Variants in ESYT2 observed in about 807,000 individuals in gnomAD.
ESYT2 encodes extended synaptotagmin-2.
ESYT2 carries 54 observed loss-of-function variants against 107.2 expected under a neutral mutation model. The ratio of observed to expected loss-of-function variants is 0.50; its 90% CI spans 0.40 to 0.63. The LOEUF is 0.63. Among genes scored for constraint, ESYT2 ranks in the 30% least tolerant of loss-of-function variants. ESYT2 has a pLI of 0.00. For missense variants in ESYT2, 1,020 were observed against 1,094.5 expected (o/e 0.93, Z 0.96); for synonymous variants, 491 against 434.1 (o/e 1.13, Z -1.63).
intron 7 of ESYT2, among the ~76,000 whole-genome samples, chr7:158,772,894 TA>T (rs3033501): frequency 2.5e-4 from 35 of 142,026 alleles, no homozygotes; most frequent in East Asian, 8.2e-4. Context: ...GAATAAAAGT[TA>T]AAAAAAAAAA....
rs1407222315 is a variant in ESYT2, at chr7:158,760,145, C to G, written c.1236G>C (p.Trp412Cys). 1 of 1,613,720 alleles carries G rather than the reference C, an allele frequency of 6.2e-7. No homozygotes were observed. Among genetic ancestry groups the G allele is most frequent in the Non-Finnish European group, 8.5e-7 (1 of 1,179,796 alleles). The stretch of plus-strand genomic sequence containing the variant: ...CCTTGGGAACCTCGTCCAGAGTGAA[C>G]CACTGAAGAGAAAAAATGTTTACGT... Reference protein sequence around the residue: ...EVEKERLLDEWFTLDEVPKGK... With the variant: ...EVEKERLLDECFTLDEVPKGK... The change falls in exon 12 of 23, where the codon TGG (tryptophan) becomes TGC (cysteine). Residue 412 changes from tryptophan to cysteine, a missense_variant and splice_region_variant. Physicochemically the swap from Trp to Cys is radical, Grantham distance 215. Transcript: ENST00000275418.
At chr7:158,757,258 T>C (rs550625716) in intron 13 of ESYT2, among the ~76,000 whole-genome samples, 13 of 152,340 alleles carry the variant, frequency 8.5e-5, no homozygotes, top group African/African-American at 2.9e-4. Flanking sequence ...GCCAGCCAAC[T>C]GCATTAGAAG....
In ESYT2 at chr7:158,732,254, C is replaced by T. The variant is rs904213207; in HGVS notation, c.*1953G>A. On this transcript the variant is annotated 3_prime_UTR_variant, in exon 23 of 23. Coordinates refer to ENST00000275418, the MANE Select transcript of ESYT2 (RefSeq NM_001367773.1). Reference sequence around the variant, plus strand: ...ATTATGACAGAAGACTTTCAACAGACCTGATTTTTAAAAAACCCTCAACAA... The same window carrying T: ...ATTATGACAGAAGACTTTCAACAGATCTGATTTTTAAAAAACCCTCAACAA... 6.6e-5 allele frequency: 10 copies of T among 152,134 alleles called. No homozygotes were observed. The highest frequency in any genetic ancestry group is 5.2e-4 in the Admixed American group (8 of 15,270). 9.4% of individuals were successfully genotyped at this position (152,134 alleles called of 1,614,324 possible).
At position 158,757,764 on chromosome 7, in the gene ESYT2, T is replaced by TG. The variant is rs56083889; in HGVS notation, c.1419+1721_1419+1722insC. ...ATACAGTCTCTCTGGGTTTTTTTTT[T>TG]TTTGTTTTTTGTTTTTTTTGCTTAT... is the stretch of plus-strand genomic sequence containing the variant. On this transcript the variant is annotated intron_variant, in intron 13 of 22. Coordinates refer to ENST00000275418, the MANE Select transcript of ESYT2 (RefSeq NM_001367773.1). Among the ~76,000 whole-genome samples, 1,120 of 151,256 alleles carry TG rather than the reference T, an allele frequency of 7.4e-3. 20 individuals carry two copies. Among genetic ancestry groups the TG allele is most frequent in the African/African-American group, 0.025 (1,021 of 40,882 alleles).
chr7:158,785,860 G>C (rs1839093551), intron 6 of ESYT2, among the ~76,000 whole-genome samples: 1 of 152,020 alleles, frequency 6.6e-6, no homozygotes, highest in South Asian at 2.1e-4. Context: ...AAGCCAACAA[G>C]TAGAAAAATG....
chr7:158,827,500 G>A (rs1287509942), intron 1 of ESYT2: 1 of 151,948 alleles, frequency 6.6e-6, no homozygotes, highest in Non-Finnish European at 1.5e-5. Flanking sequence ...CACACCCCTC[G>A]GTTTTTCCCG....
At chr7:158,824,450 T>C (rs1840378810) in intron 1 of ESYT2, among the ~76,000 whole-genome samples, 1 of 152,244 alleles carries the variant, frequency 6.6e-6, no homozygotes, top group Non-Finnish European at 1.5e-5. Flanking sequence ...TTTCTTTACA[T>C]GAGATCACAG....
At chr7:158,742,148 G>A (rs920876503) in intron 17 of ESYT2, among the ~76,000 whole-genome samples, 3 of 152,094 alleles carry the variant, frequency 2.0e-5, no homozygotes, top group African/African-American at 7.2e-5. Flanking sequence ...GGTGACCATC[G>A]CGCACTACAC....
At chr7:158,750,968 T>C (rs1240948883) in intron 14 of ESYT2, among the ~76,000 whole-genome samples, 1 of 152,226 alleles carries the variant, frequency 6.6e-6, no homozygotes, top group Non-Finnish European at 1.5e-5. Context: ...AGTTCTATTA[T>C]TAGATACAGA....
chr7:158,782,545 G>GAGTC, intron 6 of ESYT2, among the ~76,000 whole-genome samples: 1 of 64,978 alleles, frequency 1.5e-5, no homozygotes, highest in African/African-American at 5.1e-5. Flanking sequence ...GAAAATGAGT[G>GAGTC]TGAGAAGCAG....
chr7:158,769,550 T>C (rs1433464380), intron 7 of ESYT2, among the ~76,000 whole-genome samples: 1 of 152,258 alleles, frequency 6.6e-6, no homozygotes, highest in Non-Finnish European at 1.5e-5. Flanking sequence ...GAGTCACTAT[T>C]TCCCTGTGTG....
intron 6 of ESYT2, among the ~76,000 whole-genome samples, chr7:158,776,965 G>A (rs2129472707): frequency 6.6e-6 from 1 of 150,974 alleles, no homozygotes; most frequent in South Asian, 2.1e-4. Flanking sequence ...TGATTCTCCT[G>A]CTTCAGCCTC....
At chr7:158,762,554 T>C (rs10239892) in intron 10 of ESYT2, among the ~76,000 whole-genome samples, 19,442 of 151,972 alleles carry the variant, frequency 0.13, 1,403 homozygotes, top group African/African-American at 0.2. Flanking sequence ...ATAATTGATA[T>C]TAACAAATGG....
intron 8 of ESYT2, 85 bp downstream of exon 8, chr7:158,767,569 G>C: frequency 6.5e-7 from 1 of 1,528,008 alleles, no homozygotes; most frequent in East Asian, 2.3e-5. Context: ...GAGAGACAAA[G>C]AGTCACAGCA....
intron 6 of ESYT2, among the ~76,000 whole-genome samples, chr7:158,782,471 TGA>T (rs1304794410): frequency 7.1e-6 from 1 of 140,950 alleles, no homozygotes; most frequent in Non-Finnish European, 1.6e-5. Context: ...TGAACGAGTG[TGA>T]GAACAGTGAG....
rs184547323 is a variant in ESYT2, at chr7:158,763,398, G to A, written c.1102-233C>T. On this transcript the variant is annotated intron_variant, in intron 9 of 22. Coordinates refer to ENST00000275418, the MANE Select transcript of ESYT2 (RefSeq NM_001367773.1). ...CAACCTCCGCCTCCTGGGTTCAAGC[G>A]ATTCTCCTGCCTCAGCCTCCCAAGT... Among the ~76,000 whole-genome samples the A allele has an allele frequency of 7.6e-3, 1,151 of 152,076 alleles. 10 individuals carry two copies. The highest frequency in any genetic ancestry group is 0.012 in the Non-Finnish European group (831 of 67,980).
Position 158,734,181 on chromosome 7 carries a change from A to C in ESYT2, c.*26T>G. On this transcript the variant is annotated 3_prime_UTR_variant, in exon 23 of 23. Transcript: ENST00000275418. The stretch of plus-strand genomic sequence containing the variant: ...CGGGTAGAGGTGGAGAGCTACGCTG[A>C]AGAGGACGCCTCCTGCCTGCTGCGG... 2 of 1,613,986 alleles carry C rather than the reference A, an allele frequency of 1.2e-6. No individual in the cohort carries two copies. Among genetic ancestry groups the C allele is most frequent in the Non-Finnish European group, 1.7e-6 (2 of 1,179,968 alleles).
intron 2 of ESYT2, among the ~76,000 whole-genome samples, chr7:158,798,428 T>C (rs1297679053): frequency 1.3e-5 from 2 of 151,904 alleles, no homozygotes; most frequent in African/African-American, 2.4e-5. Context: ...GGGTGGATCA[T>C]CTGAGGTCGG....
intron 7 of ESYT2, among the ~76,000 whole-genome samples, chr7:158,769,526 G>T (rs1267999474): frequency 6.6e-6 from 1 of 152,212 alleles, no homozygotes; most frequent in Non-Finnish European, 1.5e-5. Flanking sequence ...CTATTGAAGT[G>T]GTTACTTTCT....
Sources: gnomAD v4.1 joint callset for allele counts (sites outside exome capture counted in the v4.1 genomes callset) on GRCh38, gnomAD v4.1.1 for gene constraint, MANE v1.5 for transcripts, NCBI Gene and HGNC (gene_info 2026-07-23, HGNC 2026-07-21) for gene names.